The following DPYSL2 variants were observed in gnomAD, a reference collection of about 807,000 sequenced individuals.
DPYSL2 encodes dihydropyrimidinase like 2, also known as dihydropyrimidinase-related protein 2.
In DPYSL2, 13 loss-of-function variants were observed where a neutral mutation model predicts 69.9. The ratio of observed to expected loss-of-function variants is 0.19; its 90% CI spans 0.12 to 0.30. DPYSL2 has a LOEUF of 0.30. Ranked by LOEUF, DPYSL2 falls within the 10% of genes least tolerant of loss-of-function variation. DPYSL2 has a pLI of 1.00. For synonymous variants in DPYSL2, 326 were observed against 359.1 expected (o/e 0.91, Z 1.04); for missense variants, 587 against 918.9 (o/e 0.64, Z 4.67).
intron 7 of DPYSL2, among the ~76,000 whole-genome samples, chr8:26,628,201 G>C (rs1308078223): frequency 1.3e-5 from 2 of 152,248 alleles, no homozygotes; most frequent in Non-Finnish European, 2.9e-5. Context: ...GCCCTTGCTT[G>C]TATAGACACA....
intron 3 of DPYSL2, among the ~76,000 whole-genome samples, chr8:26,589,604 C>T (rs942510317): frequency 1.3e-5 from 2 of 152,220 alleles, no homozygotes; most frequent in Non-Finnish European, 2.9e-5. Flanking sequence ...GTCGCTTGCT[C>T]AGCAGTGGCT....
At chr8:26,655,209 A>G (rs927367784) in intron 13 of DPYSL2, among the ~76,000 whole-genome samples, 2 of 152,084 alleles carry the variant, frequency 1.3e-5, no homozygotes, top group Admixed American at 1.3e-4. Context: ...AGAACAAAGA[A>G]TGTGAGGCCG....
chr8:26,646,247 A>G (rs1803162235), intron 10 of DPYSL2, among the ~76,000 whole-genome samples: 1 of 151,540 alleles, frequency 6.6e-6, no homozygotes, highest in South Asian at 2.1e-4. Flanking sequence ...TATAATAGAC[A>G]CATTCTTGAT....
At chr8:26,554,787 C>A (rs1002234978) in intron 1 of DPYSL2, among the ~76,000 whole-genome samples, 1 of 152,064 alleles carries the variant, frequency 6.6e-6, no homozygotes, top group Non-Finnish European at 1.5e-5. Flanking sequence ...CAAAATTACC[C>A]TAATACCAAA....
intron 1 of DPYSL2, among the ~76,000 whole-genome samples, chr8:26,556,285 A>ATAGTATATATATGGTATATATATACT (rs1261734787): frequency 6.5e-4 from 2 of 3,078 alleles, no homozygotes; most frequent in Non-Finnish European, 1.1e-3. Flanking sequence ...GTATTTATAT[A>ATAGTATATATATGGTATATATATACT]ATATATATAG....
At position 26,627,820 on chromosome 8, in the gene DPYSL2, G is replaced by A; in HGVS notation, c.937-52G>A. 6.3e-7 allele frequency: 1 copy of A among 1,585,160 alleles called. No individual in the cohort carries two copies. On this transcript the variant is annotated intron_variant, in intron 6 of 13. Coordinates refer to ENST00000521913, the MANE Select transcript of DPYSL2 (RefSeq NM_001197293.3). The surrounding 1 kb of genome is among the most constrained non-coding windows in gnomAD (Gnocchi z 6.9). ...GCATGCCCGGGCCTCTGCCATCAGA[G>A]CTGTGCAAAATCCACTCTCCCTCAC... is the stretch of plus-strand genomic sequence containing the variant.
chr8:26,599,103 G>A (rs1801934378), intron 3 of DPYSL2, among the ~76,000 whole-genome samples: 1 of 152,194 alleles, frequency 6.6e-6, no homozygotes, highest in Non-Finnish European at 1.5e-5. Context: ...ATGAAAGATG[G>A]ACTGGAGAAG....
chr8:26,616,404 C>T (rs539983619), intron 3 of DPYSL2, among the ~76,000 whole-genome samples: 3 of 152,282 alleles, frequency 2.0e-5, no homozygotes, highest in East Asian at 1.9e-4. Flanking sequence ...GATGCCAGCT[C>T]GGGAAAGCCA....
rs1808246875 is a variant in DPYSL2 at position 26,514,754 on chromosome 8, G to A, written c.354+75G>A. ...CCCCTCCCTCGCCCCTGAGCCCGGC[G>A]CGCCCGCCTTCATGCCCCGCCCTGG... On this transcript the variant is annotated intron_variant, in intron 1 of 13. Transcript: ENST00000521913. The surrounding 1 kb of genome is among the most constrained non-coding windows in gnomAD (Gnocchi z 8.4). 3 of 1,290,886 alleles carry A rather than the reference G, an allele frequency of 2.3e-6. No individual in the cohort carries two copies. Among genetic ancestry groups the A allele is most frequent in the East Asian group, 6.2e-5 (2 of 32,078 alleles). The allele number at this position is 1,290,886 out of a possible 1,614,324, so 80.0% of individuals were successfully genotyped here.
chr8:26,546,225 C>A (rs567224060), intron 1 of DPYSL2, among the ~76,000 whole-genome samples: 3 of 152,158 alleles, frequency 2.0e-5, no homozygotes, highest in African/African-American at 7.2e-5. Flanking sequence ...TAGACTTATA[C>A]CTAAAGATTT....
intron 1 of DPYSL2, among the ~76,000 whole-genome samples, chr8:26,539,759 C>T (rs1394343283): frequency 2.6e-5 from 4 of 152,132 alleles, no homozygotes; most frequent in Non-Finnish European, 4.4e-5. Context: ...CCACCATGCC[C>T]TTCCTGAAGG....
In DPYSL2 at chr8:26,644,172, G is replaced by A; in HGVS notation, c.1425+81G>A. ...TCTGGGGGCCATGGGGCTCATGGAG[G>A]CCTTGAAATGACAGACAGTGGAGGA... On this transcript the variant is annotated intron_variant, in intron 10 of 13. Transcript: ENST00000521913. This position sits in a 1 kb window ranked among gnomAD's most constrained non-coding sequence, Gnocchi z 4.5. 3.3e-6 allele frequency: 5 copies of A among 1,518,226 alleles called. No individual in the cohort carries two copies. Among genetic ancestry groups the A allele is most frequent in the Non-Finnish European group, 4.4e-6 (5 of 1,127,392 alleles). The allele number at this position is 1,518,226 out of a possible 1,614,324, so 94.0% of individuals were successfully genotyped here. A position where few individuals can be genotyped will look rare whatever the true frequency, so the allele number is the denominator to read the frequency against.
rs1238378362 is a variant in DPYSL2, at chr8:26,591,777, C to T, written c.628+7794C>T. Among the ~76,000 whole-genome samples the T allele has an allele frequency of 6.6e-6, 1 of 152,118 alleles. No individual in the cohort carries two copies. Among genetic ancestry groups the T allele is most frequent in the Non-Finnish European group, 1.5e-5 (1 of 68,020 alleles). On this transcript the variant is annotated intron_variant, in intron 3 of 13. Transcript: ENST00000521913. This position sits in a 1 kb window ranked among gnomAD's most constrained non-coding sequence, Gnocchi z 5.8. The stretch of plus-strand genomic sequence containing the variant: ...TCTTTGTCATCCCCCCATGGCAGCC[C>T]CTCTGCCTCTGGAGAATCCCAGAGC...
intron 1 of DPYSL2, among the ~76,000 whole-genome samples, chr8:26,556,159 AG>A (rs1320283467): frequency 0.032 from 91 of 2,852 alleles, 8 homozygotes; most frequent in East Asian, 0.5. Flanking sequence ...TACTATATAT[AG>A]TATATACTAT....
intron 3 of DPYSL2, among the ~76,000 whole-genome samples, chr8:26,616,327 C>T (rs1390355018): frequency 6.6e-6 from 1 of 152,090 alleles, no homozygotes; most frequent in South Asian, 2.1e-4. Flanking sequence ...ATCTCTCCTT[C>T]AAAAAAAGCC....
Position 26,516,147 on chromosome 8 carries a change from C to G in DPYSL2, c.354+1468C>G, listed in dbSNP as rs55760531. Among the ~76,000 whole-genome samples the G allele has an allele frequency of 0.11, 16,720 of 152,204 alleles. 1,229 individuals carry two copies. Among genetic ancestry groups the G allele is most frequent in the African/African-American group, 0.2 (8,315 of 41,508 alleles). On this transcript the variant is annotated intron_variant, in intron 1 of 13. Transcript: ENST00000521913. The surrounding 1 kb of genome is among the most constrained non-coding windows in gnomAD (Gnocchi z 4.8). ...AATTTATATCCAACCCCAGCCCTGCCCTCTAATTTATTCATATAAGGGAGT... is the reference window on the plus strand; with the variant it reads ...AATTTATATCCAACCCCAGCCCTGCGCTCTAATTTATTCATATAAGGGAGT...
At position 26,648,703 on chromosome 8, in the gene DPYSL2, C is replaced by A. The variant is rs1803221987; in HGVS notation, c.1596+903C>A. Among the ~76,000 whole-genome samples the A allele has an allele frequency of 6.6e-6, 1 of 152,250 alleles. No individual in the cohort carries two copies. Among genetic ancestry groups the A allele is most frequent in the Non-Finnish European group, 1.5e-5 (1 of 68,040 alleles). On this transcript the variant is annotated intron_variant, in intron 11 of 13. Coordinates refer to ENST00000521913, the MANE Select transcript of DPYSL2 (RefSeq NM_001197293.3). The surrounding 1 kb of genome is among the most constrained non-coding windows in gnomAD (Gnocchi z 4.3). ...GGCCAGCAAGCACTGACACCTCCCC[C>A]ACACACCACGACAGCTTAGGGCAGG...
At chr8:26,651,728 C>G (rs1029936042) in intron 11 of DPYSL2, among the ~76,000 whole-genome samples, 6 of 152,240 alleles carry the variant, frequency 3.9e-5, no homozygotes, top group African/African-American at 1.4e-4. Context: ...TGGAAATTAA[C>G]TAGCCCTCAA....
At chr8:26,616,176 G>C (rs1345619629) in intron 3 of DPYSL2, among the ~76,000 whole-genome samples, 1 of 152,184 alleles carries the variant, frequency 6.6e-6, no homozygotes, top group Non-Finnish European at 1.5e-5. Context: ...CAGGTATCTG[G>C]CTCTGGTCTT....
Sources: gnomAD v4.1 joint callset for allele counts (sites outside exome capture counted in the v4.1 genomes callset) on GRCh38, gnomAD v4.1.1 for gene constraint, Gnocchi (gnomAD v3.1) non-coding constraint, MANE v1.5 for transcripts, NCBI Gene and HGNC (gene_info 2026-07-23, HGNC 2026-07-21) for gene names.